Variants in PIWIL1 observed in about 807,000 individuals in gnomAD.
PIWIL1 encodes the protein piwi like RNA-mediated gene silencing 1, also known as piwi-like protein 1.
In PIWIL1, 73 loss-of-function variants were observed where a neutral mutation model predicts 114.4. That is an observed-to-expected ratio of 0.64 (90% CI 0.53 to 0.78). PIWIL1 has a LOEUF of 0.78. Among genes scored for constraint, PIWIL1 ranks in the 30% least tolerant of loss-of-function variants. The probability of loss-of-function intolerance (pLI) is 0.00; values close to 1 mark genes in which losing one functional copy is unlikely to be tolerated. For synonymous variants in PIWIL1, 375 were observed against 369.0 expected (o/e 1.02, Z -0.19); for missense variants, 723 against 1,063.1 (o/e 0.68, Z 4.45).
chr12:130,395,576 A>T, the PIWIL1 span, among the ~76,000 whole-genome samples: 1 of 152,214 alleles, frequency 6.6e-6, no homozygotes, highest in African/African-American at 2.4e-5. Context: ...ACTTTTTGTT[A>T]GCAACTCTTC....
At chr12:130,414,034 C>G in the PIWIL1 span, 1 of 1,374,830 alleles carries the variant, frequency 7.3e-7, no homozygotes, top group East Asian at 2.3e-5. Flanking sequence ...AAGGCCATCT[C>G]TAAGTCGATA....
At chr12:130,356,710 G>A (rs2073374437) in intron 12 of PIWIL1, among the ~76,000 whole-genome samples, 1 of 152,172 alleles carries the variant, frequency 6.6e-6, no homozygotes, top group Non-Finnish European at 1.5e-5. Flanking sequence ...CTGTCAGTAT[G>A]AGTGTATTTT....
intron 14 of PIWIL1, among the ~76,000 whole-genome samples, chr12:130,360,376 C>T (rs2136174442): frequency 6.6e-6 from 1 of 152,278 alleles, no homozygotes; most frequent in African/African-American, 2.4e-5. Context: ...TGGCTCACAC[C>T]TGTAATCCCA....
the PIWIL1 span, chr12:130,396,921 A>T: frequency 6.5e-6 from 1 of 152,740 alleles, no homozygotes; most frequent in African/African-American, 2.4e-5. Flanking sequence ...AAGGCAGAAC[A>T]TCAAGGCGAA....
chr12:130,415,445 C>T, the PIWIL1 span, among the ~76,000 whole-genome samples: 2 of 152,184 alleles, frequency 1.3e-5, no homozygotes, highest in Non-Finnish European at 2.9e-5. Context: ...CAGCCAATAT[C>T]ATATTGAACA....
the PIWIL1 span, among the ~76,000 whole-genome samples, chr12:130,388,830 T>G: frequency 6.6e-6 from 1 of 152,294 alleles, no homozygotes; most frequent in East Asian, 1.9e-4. Context: ...TTGCCTGTAG[T>G]ATTTTGTGTT....
chr12:130,393,273 G>A, the PIWIL1 span, among the ~76,000 whole-genome samples: 2 of 130,610 alleles, frequency 1.5e-5, no homozygotes, highest in South Asian at 2.5e-4. Context: ...CCCGGTCACC[G>A]TCATCACATG....
At chr12:130,370,385 CTT>C (rs1338344931) in intron 19 of PIWIL1, among the ~76,000 whole-genome samples, 1 of 152,156 alleles carries the variant, frequency 6.6e-6, no homozygotes, top group Admixed American at 6.5e-5. Flanking sequence ...CATGTGCAGA[CTT>C]TTTCTTGTCA....
chr12:130,354,391 CT>C (rs1387232350), intron 9 of PIWIL1, 145 bp from the exon 10 acceptor site: 17 of 1,013,268 alleles, frequency 1.7e-5, no homozygotes, highest in East Asian at 7.2e-5. Context: ...AAAAAAATGC[CT>C]TTTTAAAACT....
At chr12:130,352,702 C>A (rs1383166149) in intron 9 of PIWIL1, among the ~76,000 whole-genome samples, 1 of 152,130 alleles carries the variant, frequency 6.6e-6, no homozygotes, top group Non-Finnish European at 1.5e-5. Flanking sequence ...GAATGACAGG[C>A]TGTTTGGCAC....
the PIWIL1 span, chr12:130,414,130 T>C: frequency 1.9e-6 from 3 of 1,614,184 alleles, no homozygotes; most frequent in Non-Finnish European, 2.5e-6. Flanking sequence ...CGCACCTTGA[T>C]GATCTGGCCT....
downstream of PIWIL1, among the ~76,000 whole-genome samples, chr12:130,374,094 ACT>A (rs2073848363): frequency 6.6e-6 from 1 of 151,838 alleles, no homozygotes; most frequent in Admixed American, 6.6e-5. Context: ...AAGTCTGTCC[ACT>A]CTTTTCTGGG....
the PIWIL1 span, chr12:130,399,946 A>T: frequency 1.0e-6 from 1 of 989,048 alleles, no homozygotes; most frequent in Non-Finnish European, 1.5e-6. Flanking sequence ...GCAGGACTTG[A>T]AAGGACTCTA....
In PIWIL1 at chr12:130,361,596, G is replaced by A. The variant is rs2073509810; in HGVS notation, c.1965G>A (p.Met655Ile). The change falls in exon 16 of 21, where the codon ATG becomes ATA. Residue 655 changes from methionine (M) to isoleucine (I), a missense_variant. This residue lies in a region of PIWIL1 where 298 missense variants were observed against 420.8 expected (regional missense o/e 0.71). Coordinates refer to ENST00000245255, the MANE Select transcript of PIWIL1 (RefSeq NM_004764.5). ...TTGTTGCCAGCATCAATGAAGGGAT[G>A]ACCCGGTGAGTGAGACTGGGCTACT... ...AGFVASINEG[M>I]TRWFSRCIFQ... 1 of 1,613,472 alleles carries A rather than the reference G, an allele frequency of 6.2e-7. No homozygotes were observed. The highest frequency in any genetic ancestry group is 8.5e-7 in the Non-Finnish European group (1 of 1,179,496).
intron 1 of PIWIL1, among the ~76,000 whole-genome samples, chr12:130,339,270 T>C (rs554960561): frequency 6.6e-6 from 1 of 152,046 alleles, no homozygotes; most frequent in African/African-American, 2.4e-5. Flanking sequence ...GGCGGGGCGG[T>C]GGCGTCCTGG....
the PIWIL1 span, among the ~76,000 whole-genome samples, chr12:130,408,849 C>G: frequency 3.3e-5 from 5 of 152,330 alleles, no homozygotes; most frequent in Middle Eastern, 3.4e-3. Context: ...AGCGATGTGG[C>G]TTTTCAGTGG....
At chr12:130,407,833 T>C in the PIWIL1 span, 1 of 1,612,464 alleles carries the variant, frequency 6.2e-7, no homozygotes, top group East Asian at 2.2e-5. Flanking sequence ...CTTCTCTCTG[T>C]TCAGATCACA....
At chr12:130,382,467 C>A in the PIWIL1 span, among the ~76,000 whole-genome samples, 1 of 152,268 alleles carries the variant, frequency 6.6e-6, no homozygotes, top group Non-Finnish European at 1.5e-5. Context: ...GGGGCCTGGG[C>A]CGCCGTGGTC....
At chr12:130,366,665 A>G (rs928392202) in intron 18 of PIWIL1, 2 of 153,728 alleles carry the variant, frequency 1.3e-5, no homozygotes, top group Non-Finnish European at 2.9e-5. Flanking sequence ...AATATGTAGT[A>G]TGTATGTATG....
Sources: gnomAD v4.1 joint callset for allele counts (sites outside exome capture counted in the v4.1 genomes callset) on GRCh38, gnomAD v4.1.1 for gene constraint, gnomAD v4.1.1 regional missense constraint, MANE v1.5 for transcripts, NCBI Gene and HGNC (gene_info 2026-07-23, HGNC 2026-07-21) for gene names.